Variants in TM9SF3 observed in about 807,000 individuals in gnomAD.
TM9SF3 encodes SM-11044-binding protein.
In TM9SF3, 14 loss-of-function variants were observed where a neutral mutation model predicts 78.6. The observed-to-expected ratio is 0.18, with a 90% confidence interval of 0.12 to 0.28. TM9SF3 has a LOEUF of 0.28. TM9SF3 is among the 10% of genes least tolerant of loss of function. The probability of loss-of-function intolerance (pLI) is 1.00; values close to 1 mark genes in which losing one functional copy is unlikely to be tolerated. For synonymous variants in TM9SF3, 231 were observed against 241.7 expected, an observed-to-expected ratio of 0.96 and a Z score of 0.41; for missense variants, 496 against 721.9, an observed-to-expected ratio of 0.69 and a Z score of 3.59.
chr10:96,576,520 C>T (rs771754759), intron 2 of TM9SF3, 114 bp downstream of exon 2: 1 of 987,256 alleles, frequency 1.0e-6, no homozygotes, highest in Admixed American at 3.1e-5. Context: ...CTAACATGTA[C>T]ATAACAGCTC....
At chr10:96,537,954 T>C (rs1409760418) in intron 9 of TM9SF3, among the ~76,000 whole-genome samples, 2 of 152,198 alleles carry the variant, frequency 1.3e-5, no homozygotes, top group Admixed American at 6.5e-5. Flanking sequence ...AATGTTAAGA[T>C]GTCAATTTTT....
At chr10:96,577,853 T>A (rs1341556362) in intron 1 of TM9SF3, among the ~76,000 whole-genome samples, 1 of 152,154 alleles carries the variant, frequency 6.6e-6, no homozygotes, top group Non-Finnish European at 1.5e-5. Flanking sequence ...ATGGGGCACA[T>A]AATAGAAGAA....
chr10:96,586,879 T>G lies in TM9SF3; in HGVS notation c.-44A>C. Reference sequence around the variant, plus strand: ...CCGGAGCCGGCTCACCGACTCCTCCTCCCGCCGCCGCCTCCTCCGCCGCCG... The same window carrying G: ...CCGGAGCCGGCTCACCGACTCCTCCGCCCGCCGCCGCCTCCTCCGCCGCCG... On this transcript the variant is annotated 5_prime_UTR_variant, in exon 1 of 15. Transcript: ENST00000371142. 8.6e-7 allele frequency: 1 copy of G among 1,160,652 alleles called. No individual in the cohort carries two copies. Among genetic ancestry groups the G allele is most frequent in the Non-Finnish European group, 1.1e-6 (1 of 940,018 alleles). The allele number at this position is 1,160,652 out of a possible 1,614,324, so 71.9% of individuals were successfully genotyped here.
intron 9 of TM9SF3, among the ~76,000 whole-genome samples, chr10:96,539,741 A>G (rs909345920): frequency 3.3e-5 from 5 of 152,212 alleles, no homozygotes; most frequent in African/African-American, 1.2e-4. Context: ...CACACAAACA[A>G]AAAAGGGCAA....
chr10:96,586,514 G>A (rs1006222575), intron 1 of TM9SF3, among the ~76,000 whole-genome samples: 1 of 152,108 alleles, frequency 6.6e-6, no homozygotes, highest in Non-Finnish European at 1.5e-5. Context: ...CCGGGGGAAG[G>A]AGACCCTGTC....
rs763853323 is a variant in TM9SF3 at position 96,576,583 on chromosome 10, C to A, written c.298+51G>T. The A allele has an allele frequency of 8.8e-6, 13 of 1,483,894 alleles. No individual in the cohort carries two copies. The African/African-American group carries it at 1.0e-4, about 11-fold the overall frequency. The allele number at this position is 1,483,894 out of a possible 1,614,324, so 91.9% of individuals were successfully genotyped here. Reference sequence around the variant, plus strand: ...GTGTCAATAGTGCCAAAATATGAAACCCTTGTCTACAATCCAAATTGCATT... The same window carrying A: ...GTGTCAATAGTGCCAAAATATGAAAACCTTGTCTACAATCCAAATTGCATT... On this transcript the variant is annotated intron_variant, in intron 2 of 14. Coordinates refer to ENST00000371142, the MANE Select transcript of TM9SF3 (RefSeq NM_020123.4).
At chr10:96,546,881 G>T (rs966393406) in intron 8 of TM9SF3, among the ~76,000 whole-genome samples, 6 of 152,112 alleles carry the variant, frequency 3.9e-5, no homozygotes, top group Non-Finnish European at 8.8e-5. Context: ...CTCCATCCTT[G>T]GAAATATAAT....
intron 8 of TM9SF3, 90 bp downstream of exon 8, chr10:96,547,805 G>T: frequency 2.8e-6 from 3 of 1,085,382 alleles, no homozygotes; most frequent in Non-Finnish European, 4.1e-6. Context: ...GGGTGATGGA[G>T]TGAGACTCTC....
rs779257399 is a variant in TM9SF3 at position 96,551,283 on chromosome 10, G to A, written c.921C>T (p.Ile307=). The A allele has an allele frequency of 7.6e-5, 123 of 1,612,396 alleles. 1 individual carries two copies. Among genetic ancestry groups the A allele is most frequent in the Non-Finnish European group, 9.4e-5 (111 of 1,179,492 alleles). The part of the protein sequence containing the change: ...SGCQIFAVSL[I]VIIVAMIEDL... ...CTTCTATCATTGCAACAATAATAACGATGAGAGACACAGCAAATATCTGAC... is the reference window on the plus strand; with the variant it reads ...CTTCTATCATTGCAACAATAATAACAATGAGAGACACAGCAAATATCTGAC... The change falls in exon 7 of 15, where the codon ATC becomes ATT. Residue 307 remains isoleucine, a synonymous_variant. Coordinates refer to ENST00000371142, the MANE Select transcript of TM9SF3 (RefSeq NM_020123.4).
chr10:96,582,322 T>C (rs1848579610), intron 1 of TM9SF3, among the ~76,000 whole-genome samples: 1 of 152,246 alleles, frequency 6.6e-6, no homozygotes, highest in South Asian at 2.1e-4. Context: ...TGATTCTTTC[T>C]GTGGCCTTGA....
At chr10:96,548,029 A>G (rs1337813591) in intron 7 of TM9SF3, 40 bp from the exon 8 acceptor site, 1 of 1,383,266 alleles carries the variant, frequency 7.2e-7, no homozygotes, top group African/African-American at 1.5e-5. Flanking sequence ...AAAACCAACA[A>G]TTTAAAGAAA....
At chr10:96,571,777 G>A (rs887824855) in intron 2 of TM9SF3, among the ~76,000 whole-genome samples, 6 of 152,296 alleles carry the variant, frequency 3.9e-5, no homozygotes, top group Middle Eastern at 3.4e-3. Context: ...AGGGAAGATC[G>A]ATAAAATAAA....
Position 96,532,484 on chromosome 10 carries a change from A to G in TM9SF3, c.1325+567T>C, listed in dbSNP as rs544965241. ...ATCTAGGGACAGAGACTTTATATAT[A>G]TATATCTCCGTTATCATAAAAATGC... On this transcript the variant is annotated intron_variant, in intron 10 of 14. Coordinates refer to ENST00000371142, the MANE Select transcript of TM9SF3 (RefSeq NM_020123.4). Among the ~76,000 whole-genome samples the G allele has an allele frequency of 6.6e-5, 10 of 152,226 alleles. No homozygotes were observed. The South Asian group carries it at 1.9e-3, about 28-fold the overall frequency.
chr10:96,558,370 G>A lies in TM9SF3; in HGVS notation c.660+1289C>T, dbSNP rs139515635. ...AGTAAAGACAATCCAGGCAGGGCGC[G>A]GTGGCTCACGCCTGTAATCTCAGCA... On this transcript the variant is annotated intron_variant, in intron 5 of 14. Transcript: ENST00000371142. 3.2e-3 allele frequency among the ~76,000 whole-genome samples: 486 copies of A among 152,178 alleles called. 16 individuals are homozygous for A. Among genetic ancestry groups the A allele is most frequent in the Admixed American group, 0.029 (443 of 15,280 alleles).
intron 2 of TM9SF3, among the ~76,000 whole-genome samples, chr10:96,571,109 G>A (rs1241778605): frequency 6.6e-6 from 1 of 152,148 alleles, no homozygotes; most frequent in Non-Finnish European, 1.5e-5. Flanking sequence ...TACTAATAAA[G>A]CAGGAGAAAA....
intron 7 of TM9SF3, among the ~76,000 whole-genome samples, chr10:96,548,419 T>A (rs1027039024): frequency 6.6e-6 from 1 of 152,214 alleles, no homozygotes; most frequent in African/African-American, 2.4e-5. Context: ...CAAACAGAAA[T>A]AAAACAGTAG....
At chr10:96,584,214 A>G (rs1229151719) in intron 1 of TM9SF3, among the ~76,000 whole-genome samples, 1 of 152,206 alleles carries the variant, frequency 6.6e-6, no homozygotes, top group Non-Finnish European at 1.5e-5. Flanking sequence ...ACACCTACTC[A>G]GCAACTTCCC....
At chr10:96,565,207 C>T (rs6584084) in intron 3 of TM9SF3, 97 bp downstream of exon 3, 27,576 of 1,109,204 alleles carry the variant, frequency 0.025, 1,474 homozygotes, top group African/African-American at 0.2. Flanking sequence ...AACACATTTA[C>T]ACCATGATCC....
chr10:96,562,801 T>C (rs1237995265), intron 3 of TM9SF3, among the ~76,000 whole-genome samples: 1 of 152,200 alleles, frequency 6.6e-6, no homozygotes, highest in African/African-American at 2.4e-5. Flanking sequence ...TAGGGAAATA[T>C]TATAGGTGGT....
Sources: gnomAD v4.1 joint callset for allele counts (sites outside exome capture counted in the v4.1 genomes callset) on GRCh38, gnomAD v4.1.1 for gene constraint, MANE v1.5 for transcripts, NCBI Gene and HGNC (gene_info 2026-07-23, HGNC 2026-07-21) for gene names.